The following TTBK2 variants were observed in gnomAD, a reference collection of about 807,000 sequenced individuals.
The protein encoded by TTBK2 is tau-tubulin kinase 2.
A neutral mutation model predicts 110.8 loss-of-function variants in TTBK2; 28 were observed. The observed-to-expected ratio is 0.25, with a 90% CI of 0.19 to 0.35. The LOEUF (loss-of-function observed/expected upper bound fraction) is 0.35. TTBK2 is among the 10% of genes least tolerant of loss of function. The pLI is 1.00. For missense variants in TTBK2, 1,369 were observed against 1,500.3 expected (o/e 0.91, Z 1.45); for synonymous variants, 532 against 527.3 (o/e 1.01, Z -0.12).
At chr15:42,794,853 TTATTC>T in intron 9 of TTBK2, 52 bp from the exon 10 acceptor site, 1 of 1,604,418 alleles carries the variant, frequency 6.2e-7, no homozygotes, top group Non-Finnish European at 8.5e-7. Context: ...CATAGTCACT[TTATTC>T]TATAAGAGAA....
At chr15:42,897,448 C>T (rs887459419) in intron 1 of TTBK2, among the ~76,000 whole-genome samples, 6 of 151,802 alleles carry the variant, frequency 4.0e-5, no homozygotes, top group Admixed American at 3.3e-4. Context: ...ACAAGAACCC[C>T]GACAATAGCT....
At chr15:42,906,894 A>G (rs1358284716) in intron 1 of TTBK2, among the ~76,000 whole-genome samples, 1 of 152,128 alleles carries the variant, frequency 6.6e-6, no homozygotes, top group Non-Finnish European at 1.5e-5. Context: ...CAAAAAAAAA[A>G]GACATTCGGG....
At chr15:42,830,280 C>A (rs1263961826) in intron 4 of TTBK2, among the ~76,000 whole-genome samples, 2 of 151,878 alleles carry the variant, frequency 1.3e-5, no homozygotes, top group Non-Finnish European at 2.9e-5. Context: ...CTCCACCTCC[C>A]GGGTTCAAGC....
At chr15:42,886,482 T>C (rs1297869604) in intron 1 of TTBK2, among the ~76,000 whole-genome samples, 3 of 152,216 alleles carry the variant, frequency 2.0e-5, no homozygotes, top group African/African-American at 7.2e-5. Context: ...CATGGCCCGT[T>C]TGGCAGCAAC....
At chr15:42,807,591 T>TTG (rs1555426568) in intron 9 of TTBK2, among the ~76,000 whole-genome samples, 35 of 150,746 alleles carry the variant, frequency 2.3e-4, no homozygotes, top group African/African-American at 8.3e-4. Flanking sequence ...TTTGTTGTTT[T>TTG]TTGTTGTTGT....
chr15:42,768,535 A>G (rs1889498634), intron 13 of TTBK2, among the ~76,000 whole-genome samples: 1 of 152,324 alleles, frequency 6.6e-6, no homozygotes, highest in African/African-American at 2.4e-5. Flanking sequence ...TAAAATACCT[A>G]GGAATCCAAC....
At chr15:42,912,307 C>T (rs1425481637) in intron 1 of TTBK2, among the ~76,000 whole-genome samples, 2 of 152,114 alleles carry the variant, frequency 1.3e-5, no homozygotes, top group Non-Finnish European at 2.9e-5. Flanking sequence ...AGACTATTAC[C>T]ATCACTATTA....
chr15:42,751,959 A>G lies in TTBK2; in HGVS notation c.3272+15T>C, dbSNP rs748395736. On this transcript the variant is annotated intron_variant, in intron 14 of 14. Coordinates refer to ENST00000267890, the MANE Select transcript of TTBK2 (RefSeq NM_173500.4). ...GGTGTTACACACTTAACACAGGGAGAGCACACAGCATTACCTGGCTTCTAC... is the reference window on the plus strand; with the variant it reads ...GGTGTTACACACTTAACACAGGGAGGGCACACAGCATTACCTGGCTTCTAC... The G allele has an allele frequency of 6.8e-6, 11 of 1,614,036 alleles. No individual in the cohort carries two copies. The highest frequency in any genetic ancestry group is 1.6e-4 in the Middle Eastern group (1 of 6,062).
At chr15:42,885,821 G>T (rs1171013475) in intron 1 of TTBK2, among the ~76,000 whole-genome samples, 1 of 151,960 alleles carries the variant, frequency 6.6e-6, no homozygotes, top group Non-Finnish European at 1.5e-5. Flanking sequence ...CTTAGCCTGT[G>T]TTCTCAAGAA....
At chr15:42,914,328 T>C (rs2030964352) in intron 1 of TTBK2, among the ~76,000 whole-genome samples, 1 of 152,120 alleles carries the variant, frequency 6.6e-6, no homozygotes. Flanking sequence ...TATAATATAA[T>C]ATATCCTAAT....
intron 10 of TTBK2, among the ~76,000 whole-genome samples, 170 bp from the exon 11 acceptor site, chr15:42,783,805 T>C (rs1238399433): frequency 2.0e-5 from 3 of 150,770 alleles, no homozygotes; most frequent in African/African-American, 7.3e-5. Flanking sequence ...CTTATGCCTG[T>C]AATCCCAGCA....
chr15:42,785,431 T>G (rs1376995094), intron 10 of TTBK2, among the ~76,000 whole-genome samples: 4 of 152,104 alleles, frequency 2.6e-5, no homozygotes, highest in Non-Finnish European at 5.9e-5. Flanking sequence ...ACTTGCAGAC[T>G]TTTTACTAAG....
rs369896751 is a variant in TTBK2 at position 42,753,175 on chromosome 15, C to G, written c.2071G>C (p.Glu691Gln). The G allele has an allele frequency of 6.2e-7, 1 of 1,606,362 alleles. No individual in the cohort carries two copies. Among genetic ancestry groups the G allele is most frequent in the Non-Finnish European group, 8.5e-7 (1 of 1,177,950 alleles). ...SGSFHCGQQP[E>Q]KKDLQPMEPT... ...TCCATGGGCTGAAGATCTTTCTTCT[C>G]TGGCTGCTGACCACAGTGAAAGCTT... The change falls in exon 14 of 15, where the codon GAG becomes CAG. Residue 691 changes from glutamate to glutamine, a missense_variant. Coordinates refer to ENST00000267890, the MANE Select transcript of TTBK2 (RefSeq NM_173500.4).
chr15:42,900,588 G>A (rs1057051990), intron 1 of TTBK2, among the ~76,000 whole-genome samples: 2 of 152,028 alleles, frequency 1.3e-5, no homozygotes, highest in South Asian at 4.2e-4. Context: ...TGGGCATGGT[G>A]GTGCGTGCCT....
At chr15:42,763,387 TGTTTTTAGTA>T (rs1298639736) in intron 13 of TTBK2, among the ~76,000 whole-genome samples, 2 of 149,712 alleles carry the variant, frequency 1.3e-5, no homozygotes, top group African/African-American at 4.9e-5. Context: ...CTAATTTTTG[TGTTTTTAGTA>T]GACACAGCGT....
At chr15:42,830,587 A>T (rs1324853831) in intron 4 of TTBK2, among the ~76,000 whole-genome samples, 1 of 152,192 alleles carries the variant, frequency 6.6e-6, no homozygotes, top group Non-Finnish European at 1.5e-5. Context: ...GATTTTTAGC[A>T]TATCATGTTT....
At chr15:42,915,995 G>A (rs987872622) in intron 1 of TTBK2, among the ~76,000 whole-genome samples, 2 of 151,446 alleles carry the variant, frequency 1.3e-5, no homozygotes, top group African/African-American at 4.9e-5. Context: ...GGAGAAATAG[G>A]GAGCAAAAAG....
chr15:42,825,491 C>T (rs543411668), intron 6 of TTBK2, among the ~76,000 whole-genome samples: 7 of 152,060 alleles, frequency 4.6e-5, no homozygotes, highest in African/African-American at 1.7e-4. Flanking sequence ...AGGGTGGATC[C>T]CTTGAGGTGA....
chr15:42,764,163 T>A (rs1038024916), intron 13 of TTBK2, among the ~76,000 whole-genome samples: 2 of 152,112 alleles, frequency 1.3e-5, no homozygotes, highest in Non-Finnish European at 2.9e-5. Context: ...TAGGAACAGC[T>A]CCAGTCTGCA....
Sources: gnomAD v4.1 joint callset for allele counts (sites outside exome capture counted in the v4.1 genomes callset) on GRCh38, gnomAD v4.1.1 for gene constraint, MANE v1.5 for transcripts, NCBI Gene and HGNC (gene_info 2026-07-23, HGNC 2026-07-21) for gene names.